The following SLC1A2 variants were observed in gnomAD, a reference collection of about 807,000 sequenced individuals.
SLC1A2 encodes the protein solute carrier family 1 member 2.
Under a neutral mutation model 48.8 loss-of-function variants are expected in SLC1A2, and 15 were observed. That is an observed-to-expected ratio of 0.31 (90% CI 0.21 to 0.47). The LOEUF is 0.47. Among genes scored for constraint, SLC1A2 ranks in the 20% least tolerant of loss-of-function variants. The pLI, the probability that SLC1A2 is intolerant of heterozygous loss-of-function variation, is 0.99. For missense variants in SLC1A2, 502 were observed against 730.5 expected (o/e 0.69, Z 3.61); for synonymous variants, 279 against 272.6 (o/e 1.02, Z -0.23).
At chr11:35,375,858 C>A (rs1854209405) in intron 1 of SLC1A2, among the ~76,000 whole-genome samples, 1 of 152,156 alleles carries the variant, frequency 6.6e-6, no homozygotes, top group Non-Finnish European at 1.5e-5. Context: ...TCACCGTGAC[C>A]CTAAGAATTG....
At chr11:35,338,020 A>T (rs1698925367) in intron 1 of SLC1A2, among the ~76,000 whole-genome samples, 1 of 152,192 alleles carries the variant, frequency 6.6e-6, no homozygotes, top group Non-Finnish European at 1.5e-5. Flanking sequence ...CATGTGCCAG[A>T]TCTTATTTGT....
chr11:35,312,337 G>T lies in SLC1A2; in HGVS notation c.422C>A (p.Ala141Asp). ...GAGCTTGGGATTGCCTGGATGGATA[G>T]CCAAGACCAGAATGACCCCCAGTAC... ...AAVLGVILVL[A>D]IHPGNPKLKK... Residue 141 changes from alanine to aspartate, a missense_variant, in exon 4 of 11, where the codon GCT becomes GAT. Ala to Asp is a moderately radical substitution (Grantham distance 126). Coordinates refer to ENST00000278379, the MANE Select transcript of SLC1A2 (RefSeq NM_004171.4). 6.2e-7 allele frequency: 1 copy of T among 1,614,118 alleles called. No individual in the cohort carries two copies. Among genetic ancestry groups the T allele is most frequent in the Non-Finnish European group, 8.5e-7 (1 of 1,180,008 alleles).
chr11:35,253,581 T>C lies in SLC1A2; in HGVS notation c.*7313A>G, dbSNP rs1190781378. On this transcript the variant is annotated 3_prime_UTR_variant, in exon 11 of 11. Coordinates refer to ENST00000278379, the MANE Select transcript of SLC1A2 (RefSeq NM_004171.4). ...TAAAAAATCAGCACCATTCCTTGAG[T>C]TAGAAAGATGAATTATTTAGATGTA... 6.6e-6 allele frequency: 1 copy of C among 152,576 alleles called. No individual in the cohort carries two copies. Among genetic ancestry groups the C allele is most frequent in the East Asian group, 1.9e-4 (1 of 5,198 alleles). The allele number at this position is 152,576 out of a possible 1,614,324, so 9.5% of individuals were successfully genotyped here.
At chr11:35,378,826 T>C (rs1233303896) in intron 1 of SLC1A2, among the ~76,000 whole-genome samples, 1 of 152,206 alleles carries the variant, frequency 6.6e-6, no homozygotes, top group Admixed American at 6.5e-5. Context: ...CCTGGCCAGA[T>C]TGGCAAGGAT....
chr11:35,420,135 ATTTTTTT>A (rs561948166), upstream of SLC1A2: 2 of 149,514 alleles, frequency 1.3e-5, no homozygotes, highest in South Asian at 1.3e-4. Flanking sequence ...GGAGGCCGGG[ATTTTTTT>A]TTTTTTTTTT....
chr11:35,343,919 G>C (rs189807899), intron 1 of SLC1A2, among the ~76,000 whole-genome samples: 98 of 152,030 alleles, frequency 6.4e-4, no homozygotes, highest in African/African-American at 2.3e-3. Flanking sequence ...GAAATCCCTT[G>C]AAAACTTCTG....
At chr11:35,305,490 G>A (rs996119681) in intron 5 of SLC1A2, among the ~76,000 whole-genome samples, 1 of 152,192 alleles carries the variant, frequency 6.6e-6, no homozygotes, top group Admixed American at 6.5e-5. Flanking sequence ...CCCAACTGCA[G>A]AGCCCAAAAA....
intron 1 of SLC1A2, among the ~76,000 whole-genome samples, chr11:35,356,531 G>A (rs556601284): frequency 5.3e-5 from 8 of 152,294 alleles, no homozygotes; most frequent in Non-Finnish European, 7.3e-5. Context: ...GCAAAAATGC[G>A]GTGCATTCCA....
At chr11:35,286,631 C>T (rs901440611) in intron 8 of SLC1A2, 126 bp downstream of exon 8, 1 of 660,312 alleles carries the variant, frequency 1.5e-6, no homozygotes. Flanking sequence ...AATAGTTTCT[C>T]TTTTTTTATT....
intron 4 of SLC1A2, among the ~76,000 whole-genome samples, chr11:35,310,410 A>G (rs1851650668): frequency 6.6e-6 from 1 of 152,108 alleles, no homozygotes; most frequent in Non-Finnish European, 1.5e-5. Context: ...CCCACTAAGC[A>G]CCTTCTTCTC....
At chr11:35,331,488 T>C (rs1233060908) in intron 1 of SLC1A2, among the ~76,000 whole-genome samples, 1 of 152,214 alleles carries the variant, frequency 6.6e-6, no homozygotes, top group Non-Finnish European at 1.5e-5. Context: ...AATTTACAAG[T>C]GATAAACTGA....
intron 1 of SLC1A2, among the ~76,000 whole-genome samples, chr11:35,330,606 A>G (rs1852395862): frequency 6.6e-6 from 1 of 152,320 alleles, no homozygotes; most frequent in African/African-American, 2.4e-5. Flanking sequence ...ACCTCAAGAT[A>G]GGGAGATGCG....
intron 1 of SLC1A2, among the ~76,000 whole-genome samples, chr11:35,374,798 TCTTATA>T (rs974150345): frequency 2.0e-5 from 3 of 151,218 alleles, no homozygotes; most frequent in South Asian, 2.1e-4. Context: ...TATAATTTTG[TCTTATA>T]CTTAGTAGGG....
chr11:35,411,666 C>T (rs1188415692), intron 1 of SLC1A2, among the ~76,000 whole-genome samples: 2 of 151,904 alleles, frequency 1.3e-5, no homozygotes, highest in Non-Finnish European at 1.5e-5. Flanking sequence ...CAATCTGCAG[C>T]AGTTAGCTTT....
Position 35,301,614 on chromosome 11 carries a change from G to C in SLC1A2, c.762C>G (p.Ile254Met). 6.2e-7 allele frequency: 1 copy of C among 1,613,652 alleles called. No individual in the cohort carries two copies. Among genetic ancestry groups the C allele is most frequent in the Non-Finnish European group, 8.5e-7 (1 of 1,179,666 alleles). ...CCTGATCTCCCATCTTCCCCATAGC[G>C]ATGCCAAAAGCAATGAAAAACCCTA... ...GLIGFFIAFG[I>M]AMGKMGDQAK... Residue 254 changes from isoleucine (I) to methionine (M), a missense_variant, in exon 6 of 11, where the codon ATC becomes ATG. By Grantham distance (10) the Ile-to-Met change is conservative. Transcript: ENST00000278379.
chr11:35,252,492 C>T lies in SLC1A2; in HGVS notation c.*8402G>A, dbSNP rs1489891584. ...CATGTATTAAACAGACATGAGATGA[C>T]CTTTCACTAAGAACCAGGACACACA... On this transcript the variant is annotated 3_prime_UTR_variant, in exon 11 of 11. Coordinates refer to ENST00000278379, the MANE Select transcript of SLC1A2 (RefSeq NM_004171.4). 6.6e-6 allele frequency: 1 copy of T among 152,136 alleles called. No homozygotes were observed. Among genetic ancestry groups the T allele is most frequent in the Non-Finnish European group, 1.5e-5 (1 of 68,030 alleles). 9.4% of individuals were successfully genotyped at this position (152,136 alleles called of 1,614,324 possible). A position where few individuals can be genotyped will look rare whatever the true frequency, so the allele number is the denominator to read the frequency against.
chr11:35,264,206 A>C (rs1429918222), intron 10 of SLC1A2: 1 of 152,266 alleles, frequency 6.6e-6, no homozygotes, highest in Non-Finnish European at 1.5e-5. Flanking sequence ...AGAGGACAAG[A>C]AAAAGCCTGT....
At chr11:35,304,032 T>C (rs1473822867) in intron 5 of SLC1A2, among the ~76,000 whole-genome samples, 1 of 152,176 alleles carries the variant, frequency 6.6e-6, no homozygotes, top group Non-Finnish European at 1.5e-5. Context: ...TCCAGAGCCT[T>C]GATCTGCACT....
chr11:35,355,823 T>G (rs1468401193), intron 1 of SLC1A2, among the ~76,000 whole-genome samples: 1 of 151,160 alleles, frequency 6.6e-6, no homozygotes, highest in Non-Finnish European at 1.5e-5. Flanking sequence ...AAGCAGAGGT[T>G]GCAGTGAGTC....
Sources: gnomAD v4.1 joint callset for allele counts (sites outside exome capture counted in the v4.1 genomes callset) on GRCh38, gnomAD v4.1.1 for gene constraint, MANE v1.5 for transcripts, NCBI Gene and HGNC (gene_info 2026-07-23, HGNC 2026-07-21) for gene names.